RIMS2: variants seen among roughly 807,000 people sequenced by gnomAD.
RIMS2 encodes regulating synaptic membrane exocytosis protein 2.
A neutral mutation model predicts 174.4 loss-of-function variants in RIMS2; 59 were observed. That is an observed-to-expected ratio of 0.34 (90% CI 0.27 to 0.42). The LOEUF (loss-of-function observed/expected upper bound fraction) is 0.42. Among genes scored for constraint, RIMS2 ranks in the 10% least tolerant of loss-of-function variants. The pLI, the probability that RIMS2 is intolerant of heterozygous loss-of-function variation, is 1.00. For synonymous variants in RIMS2, 606 were observed against 572.5 expected (o/e 1.06, Z -0.84); for missense variants, 1,620 against 1,666.3 (o/e 0.97, Z 0.48).
At chr8:103,887,355 TTATC>T (rs1292451670) in intron 4 of RIMS2, among the ~76,000 whole-genome samples, 2 of 151,636 alleles carry the variant, frequency 1.3e-5, no homozygotes, top group Non-Finnish European at 3.0e-5. Context: ...ATTTTAATGT[TTATC>T]TAGTATTTTA....
intron 1 of RIMS2, among the ~76,000 whole-genome samples, chr8:103,542,591 A>C (rs1481249861): frequency 6.6e-6 from 1 of 152,222 alleles, no homozygotes; most frequent in Admixed American, 6.5e-5. Flanking sequence ...ACAGGCCAAT[A>C]TTCTTGATGA....
intron 2 of RIMS2, among the ~76,000 whole-genome samples, chr8:103,762,462 T>C (rs1282385207): frequency 6.6e-6 from 1 of 152,184 alleles, no homozygotes; most frequent in African/African-American, 2.4e-5. Context: ...CCTGTGACTT[T>C]ATTGCCAAAT....
intron 1 of RIMS2, among the ~76,000 whole-genome samples, chr8:103,541,377 C>G (rs1344064390): frequency 6.6e-6 from 1 of 152,212 alleles, no homozygotes; most frequent in Non-Finnish European, 1.5e-5. Flanking sequence ...CAATACTTTA[C>G]CCACAAAGCT....
intron 2 of RIMS2, among the ~76,000 whole-genome samples, chr8:103,760,213 C>T (rs2098093917): frequency 6.6e-6 from 1 of 152,176 alleles, no homozygotes; most frequent in African/African-American, 2.4e-5. Flanking sequence ...TGTTGCCTCC[C>T]AAGAGATTTA....
At chr8:103,796,066 T>A (rs1429430144) in intron 3 of RIMS2, among the ~76,000 whole-genome samples, 4 of 152,230 alleles carry the variant, frequency 2.6e-5, no homozygotes, top group Non-Finnish European at 5.9e-5. Context: ...TATGTACATA[T>A]TTATGATTTT....
In RIMS2 at chr8:103,511,151, T is replaced by C. The variant is rs369026173; in HGVS notation, c.176+10089T>C. On this transcript the variant is annotated intron_variant, in intron 1 of 23. Transcript: ENST00000504942. ...GTTTCCTCCAGAGTTAAAATGTTTGTGTAACTGGGTTTTAGGTGGAGGGAC... is the reference window on the plus strand; with the variant it reads ...GTTTCCTCCAGAGTTAAAATGTTTGCGTAACTGGGTTTTAGGTGGAGGGAC... Among the ~76,000 whole-genome samples the C allele has an allele frequency of 2.5e-4, 38 of 152,326 alleles. No individual in the cohort carries two copies. In the East Asian group the frequency reaches 3.3e-3, roughly 13 times the overall value.
chr8:104,241,854 A>T (rs2099299917), intron 19 of RIMS2, among the ~76,000 whole-genome samples: 1 of 151,894 alleles, frequency 6.6e-6, no homozygotes. Flanking sequence ...CTGCCTCCTG[A>T]GTTCAAGTGA....
intron 13 of RIMS2, among the ~76,000 whole-genome samples, chr8:103,937,044 G>A (rs535752815): frequency 3.1e-4 from 47 of 152,082 alleles, no homozygotes; most frequent in African/African-American, 1.1e-3. Context: ...GTTGCAGTGA[G>A]CCGAGATCGC....
At chr8:104,251,917 T>A (rs1243933374), downstream of RIMS2, 3 of 730,216 alleles carry the variant, frequency 4.1e-6, no homozygotes, top group East Asian at 7.6e-5. Flanking sequence ...TGCTTAATGT[T>A]GTGTCTTCTG....
At chr8:103,681,710 T>A (rs1251707642) in intron 1 of RIMS2, among the ~76,000 whole-genome samples, 1 of 152,108 alleles carries the variant, frequency 6.6e-6, no homozygotes, top group Non-Finnish European at 1.5e-5. Flanking sequence ...ATCCAAGGTT[T>A]TATAGGTCCT....
At chr8:103,947,110 A>G (rs72681393) in intron 14 of RIMS2, among the ~76,000 whole-genome samples, 19,323 of 152,234 alleles carry the variant, frequency 0.13, 1,698 homozygotes, top group Non-Finnish European at 0.19. Flanking sequence ...CTTAAAATGG[A>G]TAATAGACCC....
chr8:103,912,976 T>TTTG (rs1252768992), intron 6 of RIMS2, among the ~76,000 whole-genome samples: 7 of 144,728 alleles, frequency 4.8e-5, no homozygotes, highest in South Asian at 2.3e-4. Flanking sequence ...TGTTGTTTTT[T>TTTG]TTTTTTTTTT....
At chr8:103,645,616 G>C (rs988130159) in intron 1 of RIMS2, among the ~76,000 whole-genome samples, 2 of 152,032 alleles carry the variant, frequency 1.3e-5, no homozygotes, top group Admixed American at 6.6e-5. Context: ...TTACCTCTTA[G>C]GATAAGTTCT....
At chr8:103,881,205 T>G (rs1364193406) in intron 3 of RIMS2, among the ~76,000 whole-genome samples, 1 of 151,550 alleles carries the variant, frequency 6.6e-6, no homozygotes, top group Non-Finnish European at 1.5e-5. Flanking sequence ...GTATGTCCAG[T>G]GTTGTCATAA....
chr8:103,576,173 A>G (rs1210609796), intron 1 of RIMS2, among the ~76,000 whole-genome samples: 2 of 152,216 alleles, frequency 1.3e-5, no homozygotes, highest in Non-Finnish European at 1.5e-5. Context: ...CTATAAGGCT[A>G]TCCCCTTTGG....
intron 2 of RIMS2, among the ~76,000 whole-genome samples, chr8:103,727,835 C>G (rs2097543057): frequency 6.6e-6 from 1 of 152,128 alleles, no homozygotes; most frequent in African/African-American, 2.4e-5. Flanking sequence ...GTTTTCATTG[C>G]TATAGCTTGG....
intron 1 of RIMS2, among the ~76,000 whole-genome samples, chr8:103,655,269 T>A (rs2135938229): frequency 6.6e-6 from 1 of 152,096 alleles, no homozygotes; most frequent in South Asian, 2.1e-4. Flanking sequence ...TTTCTTTTGC[T>A]ATTTTTTGCA....
At chr8:104,089,464 T>A (rs928898554) in intron 19 of RIMS2, among the ~76,000 whole-genome samples, 1 of 151,866 alleles carries the variant, frequency 6.6e-6, no homozygotes, top group Admixed American at 6.6e-5. Context: ...GGGGGTTGAG[T>A]TGTATATGTG....
chr8:103,682,615 TG>T (rs1248244016), intron 1 of RIMS2, among the ~76,000 whole-genome samples: 1 of 152,110 alleles, frequency 6.6e-6, no homozygotes, highest in African/African-American at 2.4e-5. Context: ...GATATGATCT[TG>T]GCAAGGAACG....
Sources: gnomAD v4.1 joint callset for allele counts (sites outside exome capture counted in the v4.1 genomes callset) on GRCh38, gnomAD v4.1.1 for gene constraint, MANE v1.5 for transcripts, NCBI Gene and HGNC (gene_info 2026-07-23, HGNC 2026-07-21) for gene names.